The following PANK1 variants were observed in gnomAD, a reference collection of about 807,000 sequenced individuals.
PANK1 encodes the protein pantothenate kinase 1.
PANK1 carries 18 observed loss-of-function variants against 40.1 expected under a neutral mutation model. That is an observed-to-expected ratio of 0.45 (90% confidence interval 0.31 to 0.67). PANK1 has a LOEUF of 0.67. Among genes scored for constraint, PANK1 ranks in the 30% least tolerant of loss-of-function variants. PANK1 has a pLI of 0.06. For missense variants in PANK1, 457 were observed against 599.6 expected, an observed-to-expected ratio of 0.76 and a Z score of 2.48; for synonymous variants, 242 against 237.7, an observed-to-expected ratio of 1.02 and a Z score of -0.17.
In PANK1 at chr10:89,593,976, T is replaced by A. The variant is rs954033263; in HGVS notation, c.913A>T (p.Thr305Ser). The change falls in exon 4 of 7, where the codon ACA becomes TCA. Residue 305 changes from threonine to serine, a missense_variant. Thr to Ser is a moderately conservative substitution (Grantham distance 58). Coordinates refer to ENST00000307534, the MANE Select transcript of PANK1 (RefSeq NM_148977.3). ...RVTGTSLGGG[T>S]FLGLCCLLTG... ...AGCAAGCAACATAGGCCTAGGAATGTTCCACCTCCAAGACTGAAGGAATAA... is the reference window on the plus strand; with the variant it reads ...AGCAAGCAACATAGGCCTAGGAATGATCCACCTCCAAGACTGAAGGAATAA... 2 of 1,612,398 alleles carry A rather than the reference T, an allele frequency of 1.2e-6. No homozygotes were observed. The highest frequency in any genetic ancestry group is 2.7e-5 in the African/African-American group (2 of 74,872).
chr10:89,595,833 A>AATATATATATAT (rs369831755), intron 3 of PANK1, among the ~76,000 whole-genome samples: 27 of 33,748 alleles, frequency 8.0e-4, no homozygotes, highest in South Asian at 1.5e-3. Context: ...AAAAAAAAAA[A>AATATATATATAT]ATATATATAT....
Position 89,644,832 on chromosome 10 carries a change from C to T in PANK1, c.60G>A (p.Val20=), listed in dbSNP as rs1589828848. Residue 20 remains valine (V), a synonymous_variant, in exon 1 of 7, where the codon GTG becomes GTA. Coordinates refer to ENST00000307534, the MANE Select transcript of PANK1 (RefSeq NM_148977.3). ...CGTTCACAGCGGCGGCGCTGGTGCC[C>T]ACGGGGGCCCCTGGAGAGTGCGGGA... is the stretch of plus-strand genomic sequence containing the variant. ...RSVPHSPGAP[V]GTSAAAVNGL... The T allele has an allele frequency of 6.2e-6, 9 of 1,457,576 alleles. No homozygotes were observed. In the East Asian group the frequency reaches 2.5e-4, roughly 41 times the overall value. 90.3% of individuals were successfully genotyped at this position (1,457,576 alleles called of 1,614,324 possible).
chr10:89,633,346 T>C (rs565343843), intron 1 of PANK1, among the ~76,000 whole-genome samples: 1 of 152,264 alleles, frequency 6.6e-6, no homozygotes, highest in African/African-American at 2.4e-5. Flanking sequence ...TCTTTAAAAG[T>C]GTTAATGAAA....
At chr10:89,628,582 A>G (rs1244666592) in intron 1 of PANK1, among the ~76,000 whole-genome samples, 1 of 152,244 alleles carries the variant, frequency 6.6e-6, no homozygotes, top group East Asian at 1.9e-4. Flanking sequence ...AAAATATTAT[A>G]AAGTTAATTG....
chr10:89,631,976 G>GTGTGTGTGTGTT (rs199540491), intron 1 of PANK1, among the ~76,000 whole-genome samples: 3 of 143,340 alleles, frequency 2.1e-5, no homozygotes, highest in South Asian at 2.2e-4. Context: ...GTGTGTGTGT[G>GTGTGTGTGTGTT]TTTTTTTTTT....
At chr10:89,634,135 A>C (rs915154762) in intron 1 of PANK1, among the ~76,000 whole-genome samples, 2 of 152,218 alleles carry the variant, frequency 1.3e-5, no homozygotes, top group Admixed American at 1.3e-4. Context: ...AGAACATCTA[A>C]CACCACCACA....
chr10:89,581,549 G>C (rs1239588414), downstream of PANK1: 1 of 152,450 alleles, frequency 6.6e-6, no homozygotes, highest in Non-Finnish European at 1.5e-5. Flanking sequence ...CTCCCAAGTA[G>C]CTGGGACTAC....
chr10:89,608,032 T>A (rs866234884), intron 2 of PANK1, among the ~76,000 whole-genome samples: 32,196 of 126,862 alleles, frequency 0.25, 3,957 homozygotes, highest in East Asian at 0.59. Flanking sequence ...ATCCTAAACT[T>A]TTTTTTTTTT....
At chr10:89,644,360 C>G (rs1435196463) in intron 1 of PANK1, among the ~76,000 whole-genome samples, 1 of 152,216 alleles carries the variant, frequency 6.6e-6, no homozygotes, top group Non-Finnish European at 1.5e-5. Context: ...GCTCAAGCTT[C>G]GTGTCCAATC....
intron 1 of PANK1, among the ~76,000 whole-genome samples, chr10:89,613,210 C>T (rs376905119): frequency 4.4e-4 from 67 of 152,270 alleles, no homozygotes; most frequent in African/African-American, 1.6e-3. Flanking sequence ...TTAGAGTCTT[C>T]CTTTTTATTT....
intron 2 of PANK1, among the ~76,000 whole-genome samples, chr10:89,604,852 G>A (rs994713004): frequency 6.6e-6 from 1 of 151,932 alleles, no homozygotes; most frequent in African/African-American, 2.4e-5. Context: ...CCAGGTTCAT[G>A]CCATTCTCCT....
intron 1 of PANK1, 101 bp downstream of exon 1, chr10:89,644,499 C>G (rs1425681333): frequency 1.9e-5 from 20 of 1,045,628 alleles, no homozygotes; most frequent in Non-Finnish European, 2.6e-5. Flanking sequence ...GACGCGGGGG[C>G]GCACGGGGCG....
chr10:89,621,221 A>G (rs1375715112), intron 1 of PANK1, among the ~76,000 whole-genome samples: 1 of 152,070 alleles, frequency 6.6e-6, no homozygotes, highest in African/African-American at 2.4e-5. Context: ...GAATTGCTTG[A>G]ACCCGGGAGG....
intron 2 of PANK1, among the ~76,000 whole-genome samples, chr10:89,602,859 C>T (rs777958083): frequency 6.6e-6 from 1 of 152,052 alleles, no homozygotes; most frequent in Non-Finnish European, 1.5e-5. Context: ...TACCAGATGA[C>T]CCTATTTTTC....
chr10:89,589,652 C>A (rs768149465), intron 5 of PANK1, among the ~76,000 whole-genome samples: 2 of 152,012 alleles, frequency 1.3e-5, no homozygotes, highest in Non-Finnish European at 2.9e-5. Flanking sequence ...TAATCAGGGT[C>A]TGGGAACATC....
At chr10:89,637,578 C>T (rs1395646106) in intron 1 of PANK1, among the ~76,000 whole-genome samples, 3 of 152,262 alleles carry the variant, frequency 2.0e-5, no homozygotes, top group Admixed American at 6.5e-5. Flanking sequence ...AAAGACAAAA[C>T]GTGGCATACC....
At chr10:89,628,897 C>G (rs556766547) in intron 1 of PANK1, among the ~76,000 whole-genome samples, 1 of 152,232 alleles carries the variant, frequency 6.6e-6, no homozygotes, top group African/African-American at 2.4e-5. Context: ...TGTAAACATG[C>G]GCTTCCCAGG....
chr10:89,622,564 G>A (rs767630832), intron 1 of PANK1, among the ~76,000 whole-genome samples: 7 of 152,288 alleles, frequency 4.6e-5, no homozygotes, highest in Non-Finnish European at 8.8e-5. Flanking sequence ...GGCCAGACGT[G>A]GTTGCTCATG....
chr10:89,636,634 G>T (rs547503015), intron 1 of PANK1, among the ~76,000 whole-genome samples: 2 of 151,652 alleles, frequency 1.3e-5, no homozygotes, highest in South Asian at 4.2e-4. Context: ...TGTATTTTTA[G>T]TAGAGACGGT....
Sources: gnomAD v4.1 joint callset for allele counts (sites outside exome capture counted in the v4.1 genomes callset) on GRCh38, gnomAD v4.1.1 for gene constraint, MANE v1.5 for transcripts, NCBI Gene and HGNC (gene_info 2026-07-23, HGNC 2026-07-21) for gene names.